The following BRF1 variants were observed in gnomAD, a reference collection of about 807,000 sequenced individuals.
BRF1 encodes the protein BRF1 general transcription factor IIIB subunit, also known as transcription factor IIIB 90 kDa subunit.
Under a neutral mutation model 81.7 loss-of-function variants are expected in BRF1, and 59 were observed. The observed-to-expected ratio is 0.72, with a 90% confidence interval of 0.59 to 0.90. The LOEUF is 0.90. Ranked by LOEUF, BRF1 falls within the 40% of genes least tolerant of loss-of-function variation. The pLI is 0.00. For missense variants in BRF1, 1,050 were observed against 936.3 expected, an observed-to-expected ratio of 1.12 and a Z score of -1.58; for synonymous variants, 491 against 395.6, an observed-to-expected ratio of 1.24 and a Z score of -2.86.
At chr14:105,272,536 C>T (rs587632084) in intron 3 of BRF1, among the ~76,000 whole-genome samples, 185 bp downstream of exon 3, 1 of 152,230 alleles carries the variant, frequency 6.6e-6, no homozygotes, top group South Asian at 2.1e-4. Context: ...CCCAGTTCTT[C>T]GATCCAGTAA....
chr14:105,244,223 G>A (rs968633076), intron 5 of BRF1, among the ~76,000 whole-genome samples: 4 of 152,010 alleles, frequency 2.6e-5, no homozygotes, highest in African/African-American at 4.8e-5. Context: ...CAGGAGGATC[G>A]CTTGAGCCCA....
At chr14:105,226,587 C>T (rs201907081) in intron 8 of BRF1, 47 bp downstream of exon 8, 5 of 1,609,818 alleles carry the variant, frequency 3.1e-6, no homozygotes, top group South Asian at 1.1e-5. Flanking sequence ...TGGCTTCCCC[C>T]CAAGGCTGGC....
intron 5 of BRF1, among the ~76,000 whole-genome samples, chr14:105,246,374 T>G (rs964290227): frequency 6.6e-6 from 1 of 151,924 alleles, no homozygotes; most frequent in Non-Finnish European, 1.5e-5. Flanking sequence ...GGATGACCAT[T>G]ATCACAAACA....
Position 105,309,683 on chromosome 14 carries a change from A to G in BRF1, c.-162+5639T>C, listed in dbSNP as rs2058290815. On this transcript the variant is annotated intron_variant, in intron 1 of 17. Coordinates refer to the BRF1 transcript ENST00000327359. This position sits in a 1 kb window ranked among gnomAD's most constrained non-coding sequence, Gnocchi z 4.0. The stretch of plus-strand genomic sequence containing the variant: ...CTGCCTGCGCCCAACCCAGGAGGGG[A>G]GCAGCGTGCAGGACACCGAGGATGT... 6.8e-6 allele frequency among the ~76,000 whole-genome samples: 1 copy of G among 147,186 alleles called. No individual in the cohort carries two copies. The highest frequency in any genetic ancestry group is 6.8e-5 in the Admixed American group (1 of 14,706).
At chr14:105,301,313 C>A (rs587596981), upstream of BRF1, 2 of 135,168 alleles carry the variant, frequency 1.5e-5, no homozygotes, top group African/African-American at 5.7e-5. Flanking sequence ...GGATGCGGGG[C>A]TGAGGGTGGG....
intron 1 of BRF1, among the ~76,000 whole-genome samples, chr14:105,313,707 G>A (rs1354524040): frequency 6.6e-6 from 1 of 152,240 alleles, no homozygotes; most frequent in African/African-American, 2.4e-5. Flanking sequence ...AAAACTACTT[G>A]TAGACAAGAC....
chr14:105,300,419 C>A lies in BRF1; in HGVS notation c.184+27G>T, dbSNP rs1339631542. 3 of 1,502,416 alleles carry A rather than the reference C, an allele frequency of 2.0e-6. No homozygotes were observed. The South Asian group carries it at 3.7e-5, about 19-fold the overall frequency. The allele number at this position is 1,502,416 out of a possible 1,614,324, so 93.1% of individuals were successfully genotyped here. ...CCCGCCTAAGCCGCACCGAGAAATC[C>A]GCGCAGCGCCAGCCCGCGGGACTCA... is the stretch of plus-strand genomic sequence containing the variant. On this transcript the variant is annotated intron_variant, in intron 1 of 17. Coordinates refer to ENST00000547530, the MANE Select transcript of BRF1 (RefSeq NM_001519.4).
At chr14:105,219,346 G>A in intron 12 of BRF1, 114 bp from the exon 13 acceptor site, 1 of 1,539,484 alleles carries the variant, frequency 6.5e-7, no homozygotes, top group Non-Finnish European at 8.8e-7. Flanking sequence ...GGAACCCGGG[G>A]CAGCCTCTAT....
At position 105,263,745 on chromosome 14, in the gene BRF1, G is replaced by A. The variant is rs587641858; in HGVS notation, c.440-7196C>T. On this transcript the variant is annotated intron_variant, in intron 3 of 17. Transcript: ENST00000547530. ...TCGAGACCATCCTGGCTAACACGGCGAAACCCTGTCTCTACTAAAAATACA... is the reference window on the plus strand; with the variant it reads ...TCGAGACCATCCTGGCTAACACGGCAAAACCCTGTCTCTACTAAAAATACA... Among the ~76,000 whole-genome samples, 95 of 152,142 alleles carry A rather than the reference G, an allele frequency of 6.2e-4. 1 individual carries two copies. The highest frequency in any genetic ancestry group is 6.2e-3 in the Admixed American group (94 of 15,278).
intron 5 of BRF1, among the ~76,000 whole-genome samples, chr14:105,251,683 C>T (rs1273313665): frequency 6.6e-6 from 1 of 152,096 alleles, no homozygotes; most frequent in Non-Finnish European, 1.5e-5. Flanking sequence ...TGGTGCTTCT[C>T]TACCCAAAGG....
chr14:105,228,914 C>T lies in BRF1; in HGVS notation c.695-1G>A, dbSNP rs1176219061. 1 of 1,613,354 alleles carries T rather than the reference C, an allele frequency of 6.2e-7. No homozygotes were observed. Among genetic ancestry groups the T allele is most frequent in the South Asian group, 1.1e-5 (1 of 91,092 alleles). On this transcript the variant is annotated splice_acceptor_variant, in intron 6 of 17. Coordinates refer to ENST00000547530, the MANE Select transcript of BRF1 (RefSeq NM_001519.4). LOFTEE classifies it high-confidence loss of function. ...TGCATTCTGGCTGCAACCAGGAGCG[C>T]TGGAAGGCAACGAGACGGGCCTCGT...
rs1160582878 is a variant in BRF1 at position 105,226,727 on chromosome 14, C to G, written c.822G>C (p.Gln274His). Residue 274 changes from glutamine (Q) to histidine (H), a missense_variant, in exon 8 of 18, where the codon CAG becomes CAC. Gln to His is a conservative substitution (Grantham distance 24). Around this residue, in one of 2 missense-constraint regions of BRF1, gnomAD observed 1,043 missense variants for 915.4 expected, o/e 1.14. Coordinates refer to ENST00000547530, the MANE Select transcript of BRF1 (RefSeq NM_001519.4). ...TCTTCATGAACTCATCAATGGTCAA[C>G]TGACTGGTGGGGGTGTCTTCAAATT... is the stretch of plus-strand genomic sequence containing the variant. ...LTEFEDTPTS[Q>H]LTIDEFMKID... 2 of 1,613,656 alleles carry G rather than the reference C, an allele frequency of 1.2e-6. No homozygotes were observed. The highest frequency in any genetic ancestry group is 1.7e-5 in the Admixed American group (1 of 60,004).
At chr14:105,247,901 A>T in intron 5 of BRF1, 4 of 985,608 alleles carry the variant, frequency 4.1e-6, no homozygotes, top group Non-Finnish European at 4.8e-6. Context: ...TCCCAGGATT[A>T]GCCCCAGGCC....
chr14:105,277,967 G>C (rs1342417471), intron 2 of BRF1, among the ~76,000 whole-genome samples: 1 of 152,110 alleles, frequency 6.6e-6, no homozygotes, highest in Non-Finnish European at 1.5e-5. Context: ...TGTTGGCCAG[G>C]ATGGTCTCGA....
Position 105,241,339 on chromosome 14 carries a change from G to C in BRF1, c.620C>G (p.Ala207Gly). Residue 207 changes from alanine (A) to glycine (G), a missense_variant, in exon 6 of 18, where the codon GCC (alanine) becomes GGC (glycine). This residue lies in a region of BRF1 where 1,043 missense variants were observed against 915.4 expected (regional missense o/e 1.14). Coordinates refer to ENST00000547530, the MANE Select transcript of BRF1 (RefSeq NM_001519.4). Reference protein sequence around the residue: ...GEKNHEVSMTALRLLQRMKRD... With the variant: ...GEKNHEVSMTGLRLLQRMKRD... ...CTTCATCCTCTGTAGGAGCCTCAGG[G>C]CAGTCATGGACACCTCGTGGTTCTT... The C allele has an allele frequency of 6.2e-7, 1 of 1,612,806 alleles. No homozygotes were observed. Among genetic ancestry groups the C allele is most frequent in the Non-Finnish European group, 8.5e-7 (1 of 1,179,938 alleles).
At chr14:105,247,439 T>C (rs2055196319) in intron 5 of BRF1, 1 of 985,444 alleles carries the variant, frequency 1.0e-6, no homozygotes, top group South Asian at 4.7e-5. Flanking sequence ...TCACGTCCTT[T>C]GCCCGTTTTT....
At chr14:105,289,377 C>G (rs753749509) in intron 1 of BRF1, among the ~76,000 whole-genome samples, 1 of 152,166 alleles carries the variant, frequency 6.6e-6, no homozygotes, top group Non-Finnish European at 1.5e-5. Context: ...TGGAGCAGGT[C>G]GCAGTGGTGT....
At chr14:105,299,042 G>A (rs1181836386) in intron 1 of BRF1, among the ~76,000 whole-genome samples, 1 of 151,538 alleles carries the variant, frequency 6.6e-6, no homozygotes, top group Non-Finnish European at 1.5e-5. Context: ...GCATGGTAGT[G>A]GGCTCCTGTA....
chr14:105,209,620 C>T lies in BRF1; in HGVS notation c.*931G>A, dbSNP rs1193042835. 1.4e-6 allele frequency: 1 copy of T among 697,246 alleles called. No individual in the cohort carries two copies. Among genetic ancestry groups the T allele is most frequent in the East Asian group, 2.7e-5 (1 of 37,164 alleles). The allele number at this position is 697,246 out of a possible 1,614,324, so 43.2% of individuals were successfully genotyped here. ...CTTCCCACGAAGAGGCCTGGGGAGG[C>T]TCTCGGGCCTCCGTCTGCCCTCCCT... is the stretch of plus-strand genomic sequence containing the variant. On this transcript the variant is annotated 3_prime_UTR_variant, in exon 18 of 18. Transcript: ENST00000547530.
Sources: gnomAD v4.1 joint callset for allele counts (sites outside exome capture counted in the v4.1 genomes callset) on GRCh38, gnomAD v4.1.1 for gene constraint, gnomAD v4.1.1 regional missense constraint, Gnocchi (gnomAD v3.1) non-coding constraint, MANE v1.5 for transcripts, NCBI Gene and HGNC (gene_info 2026-07-23, HGNC 2026-07-21) for gene names.